Variants in LDAH observed in about 807,000 individuals in gnomAD.
LDAH encodes the protein lipid droplet associated hydrolase.
A neutral mutation model predicts 29.6 loss-of-function variants in LDAH; 26 were observed. The ratio of observed to expected loss-of-function variants is 0.88; its 90% CI spans 0.64 to 1.22. The LOEUF is 1.22. Ranked by LOEUF, LDAH falls within the 50% of genes most tolerant of loss-of-function variation. The pLI is 0.00. For synonymous variants in LDAH, 117 were observed against 133.0 expected, an observed-to-expected ratio of 0.88 and a Z score of 0.83; for missense variants, 344 against 387.3, an observed-to-expected ratio of 0.89 and a Z score of 0.94.
intron 1 of LDAH, among the ~76,000 whole-genome samples, chr2:20,819,608 G>A (rs1365834054): frequency 2.0e-5 from 3 of 152,118 alleles, no homozygotes; most frequent in African/African-American, 4.8e-5. Context: ...TTGATGGGAC[G>A]TATCCCAAAA....
chr2:20,769,205 A>T (rs1669249019), intron 4 of LDAH, among the ~76,000 whole-genome samples: 1 of 152,166 alleles, frequency 6.6e-6, no homozygotes. Context: ...CTACTTCCAG[A>T]TACAACTCAT....
At chr2:20,764,280 A>G (rs559605843) in intron 4 of LDAH, among the ~76,000 whole-genome samples, 3 of 152,350 alleles carry the variant, frequency 2.0e-5, no homozygotes, top group East Asian at 3.9e-4. Flanking sequence ...AACTTAGAGT[A>G]AGAGACTTAC....
chr2:20,727,869 A>G (rs1176929101), intron 5 of LDAH, among the ~76,000 whole-genome samples: 1 of 152,226 alleles, frequency 6.6e-6, no homozygotes, highest in Non-Finnish European at 1.5e-5. Flanking sequence ...ACACTGTGGT[A>G]AAGTTTATAA....
intron 2 of LDAH, among the ~76,000 whole-genome samples, chr2:20,800,212 A>G (rs536843097): frequency 6.6e-6 from 1 of 152,354 alleles, no homozygotes; most frequent in South Asian, 2.1e-4. Context: ...CTCTCTAAGA[A>G]ACTCATAAAA....
chr2:20,768,530 C>T (rs1293298340), intron 4 of LDAH, among the ~76,000 whole-genome samples: 1 of 152,188 alleles, frequency 6.6e-6, no homozygotes, highest in Non-Finnish European at 1.5e-5. Flanking sequence ...CACACACACC[C>T]CTCATCACTC....
intron 5 of LDAH, 133 bp from the exon 6 acceptor site, chr2:20,701,785 A>C (rs566464731): frequency 2.7e-4 from 194 of 720,078 alleles, no homozygotes; most frequent in South Asian, 1.9e-3. Context: ...TGGTGAGGCC[A>C]ACAGAGGAAT....
At chr2:20,765,498 A>G (rs1167776713) in intron 4 of LDAH, among the ~76,000 whole-genome samples, 1 of 152,242 alleles carries the variant, frequency 6.6e-6, no homozygotes, top group African/African-American at 2.4e-5. Context: ...ATCTACTGCT[A>G]TATAACATAG....
chr2:20,735,272 A>C (rs981577556), intron 5 of LDAH, among the ~76,000 whole-genome samples: 1 of 152,184 alleles, frequency 6.6e-6, no homozygotes. Context: ...CTTTCGTTGT[A>C]GTCCAACAGG....
rs1182783556 is a variant in LDAH, at chr2:20,686,297, T to TTCTCTGTCTAGTGCAGG, written c.*589_*605dup. 3.9e-5 allele frequency: 6 copies of TTCTCTGTCTAGTGCAGG among 152,584 alleles called. No homozygotes were observed. Among genetic ancestry groups the TTCTCTGTCTAGTGCAGG allele is most frequent in the African/African-American group, 1.4e-4 (6 of 41,456 alleles). 9.5% of individuals were successfully genotyped at this position (152,584 alleles called of 1,614,324 possible). On this transcript the variant is annotated 3_prime_UTR_variant, in exon 7 of 7. Transcript: ENST00000237822. ...CCAGAGTAATGTCTGGTGAACTTTA[T>TTCTCTGTCTAGTGCAGG]TCTCTGTCTAGTGCAGGTACATTAG... is the stretch of plus-strand genomic sequence containing the variant.
intron 5 of LDAH, among the ~76,000 whole-genome samples, chr2:20,726,178 T>C (rs1056373444): frequency 6.6e-6 from 1 of 152,224 alleles, no homozygotes; most frequent in East Asian, 1.9e-4. Context: ...CAGGCTCTGG[T>C]ACTTGAGTGG....
intron 4 of LDAH, among the ~76,000 whole-genome samples, chr2:20,751,542 C>A (rs148275862): frequency 6.6e-6 from 1 of 152,204 alleles, no homozygotes; most frequent in African/African-American, 2.4e-5. Flanking sequence ...AGCCACAATA[C>A]ACACATATGC....
Position 20,710,592 on chromosome 2 carries a change from G to GTGTGTGTGTGTGTA in LDAH, c.704-8941_704-8940insTACACACACACACA, listed in dbSNP as rs1553336536. ...GGACTATATATATATAGGGGTGTGTGTGTGTGTGTGTGTGTATATATATAT... is the reference window on the plus strand; with the variant it reads ...GGACTATATATATATAGGGGTGTGTGTGTGTGTGTGTGTATGTGTGTGTGTGTGTATATATATAT... On this transcript the variant is annotated intron_variant, in intron 5 of 6. Transcript: ENST00000237822. Among the ~76,000 whole-genome samples, 10 of 132,634 alleles carry GTGTGTGTGTGTGTA rather than the reference G, an allele frequency of 7.5e-5. No individual in the cohort carries two copies. The South Asian group carries it at 2.2e-3, about 30-fold the overall frequency. The allele number at this position is 132,634 out of a possible 152,430, so 87.0% of individuals were successfully genotyped here.
At chr2:20,740,635 A>G (rs976479167) in intron 4 of LDAH, among the ~76,000 whole-genome samples, 23 of 152,172 alleles carry the variant, frequency 1.5e-4, no homozygotes, top group African/African-American at 5.1e-4. Flanking sequence ...AATGCTAAAA[A>G]ATATCCTATC....
intron 5 of LDAH, among the ~76,000 whole-genome samples, chr2:20,701,900 G>T (rs62122120): frequency 0.056 from 8,562 of 152,134 alleles, 327 homozygotes; most frequent in East Asian, 0.13. Flanking sequence ...GTTTAACAGT[G>T]CCACAGCCCA....
chr2:20,755,813 C>T (rs1267644719), intron 4 of LDAH, among the ~76,000 whole-genome samples: 1 of 152,186 alleles, frequency 6.6e-6, no homozygotes, highest in Non-Finnish European at 1.5e-5. Flanking sequence ...ATGCAAACTC[C>T]AGCTCCTTGA....
chr2:20,782,324 T>A (rs962812003), intron 3 of LDAH, among the ~76,000 whole-genome samples: 2 of 152,244 alleles, frequency 1.3e-5, no homozygotes, highest in Non-Finnish European at 1.5e-5. Context: ...ACTTTCAAAG[T>A]TGCCATTCAT....
At chr2:20,683,347 T>C (rs550291934), downstream of LDAH, among the ~76,000 whole-genome samples, 13 of 152,292 alleles carry the variant, frequency 8.5e-5, no homozygotes, top group South Asian at 2.7e-3. Flanking sequence ...GCAGAAGAGC[T>C]TCATTCAAGG....
At chr2:20,802,921 A>C (rs1040131496) in intron 1 of LDAH, among the ~76,000 whole-genome samples, 6 of 152,176 alleles carry the variant, frequency 3.9e-5, no homozygotes, top group Non-Finnish European at 8.8e-5. Flanking sequence ...AATACAGTGC[A>C]CTGGAAAGGG....
chr2:20,770,256 A>T (rs1366876987), intron 4 of LDAH, among the ~76,000 whole-genome samples: 2 of 152,194 alleles, frequency 1.3e-5, no homozygotes, highest in African/African-American at 4.8e-5. Context: ...ATTCAGAGAG[A>T]AGACATTTTT....
Sources: gnomAD v4.1 joint callset for allele counts (sites outside exome capture counted in the v4.1 genomes callset) on GRCh38, gnomAD v4.1.1 for gene constraint, MANE v1.5 for transcripts, NCBI Gene and HGNC (gene_info 2026-07-23, HGNC 2026-07-21) for gene names.